The following PUS7 variants were observed in gnomAD, a reference collection of about 807,000 sequenced individuals.
PUS7 encodes the protein pseudouridine synthase 7.
Under a neutral mutation model 79.8 loss-of-function variants are expected in PUS7, and 48 were observed. That is an observed-to-expected ratio of 0.60 (90% CI 0.48 to 0.76). The LOEUF is 0.76. Ranked by LOEUF, PUS7 falls within the 30% of genes least tolerant of loss-of-function variation. PUS7 has a pLI of 0.00. For missense variants in PUS7, 729 were observed against 797.6 expected, an observed-to-expected ratio of 0.91 and a Z score of 1.04; for synonymous variants, 286 against 272.2, an observed-to-expected ratio of 1.05 and a Z score of -0.50.
At chr7:105,475,225 A>G (rs10272663) in intron 9 of PUS7, among the ~76,000 whole-genome samples, 67,429 of 151,438 alleles carry the variant, frequency 0.45, 15,584 homozygotes, top group East Asian at 0.72. Flanking sequence ...TCGCTCTGTC[A>G]CCCAGGCTAG....
chr7:105,479,217 C>T (rs556139076), intron 9 of PUS7, among the ~76,000 whole-genome samples: 242 of 152,298 alleles, frequency 1.6e-3, no homozygotes, highest in Middle Eastern at 3.4e-3. Flanking sequence ...CCTCAGAACT[C>T]AAGTCTGTTT....
chr7:105,496,603 T>C, intron 5 of PUS7, among the ~76,000 whole-genome samples: 1 of 152,198 alleles, frequency 6.6e-6, no homozygotes, highest in Admixed American at 6.5e-5. Context: ...TACCTGGCTT[T>C]GTCAAGGCAA....
chr7:105,477,315 T>C (rs1167584359), intron 9 of PUS7, among the ~76,000 whole-genome samples: 2 of 152,148 alleles, frequency 1.3e-5, no homozygotes, highest in Non-Finnish European at 2.9e-5. Flanking sequence ...TGGTACAATC[T>C]TGGGTCACTT....
rs182820591 is a variant in PUS7 at position 105,504,912 on chromosome 7, G to A, written c.585+1043C>T. Among the ~76,000 whole-genome samples, 433 of 152,168 alleles carry A rather than the reference G, an allele frequency of 2.8e-3. 3 individuals are homozygous for A. Among genetic ancestry groups the A allele is most frequent in the Middle Eastern group, 0.014 (4 of 292 alleles). On this transcript the variant is annotated intron_variant, in intron 4 of 15. Transcript: ENST00000469408. ...AATGAATTCTGAAAAGTTGTAGTAC[G>A]CTTATTAACTAGGAGTGCTGGGAGG...
intron 7 of PUS7, among the ~76,000 whole-genome samples, chr7:105,488,574 T>G (rs1004089484): frequency 6.6e-6 from 1 of 152,212 alleles, no homozygotes; most frequent in Non-Finnish European, 1.5e-5. Flanking sequence ...ACGTCTGTCA[T>G]GGACTGGGTT....
intron 9 of PUS7, among the ~76,000 whole-genome samples, chr7:105,479,201 T>C (rs1363791104): frequency 6.6e-6 from 1 of 152,222 alleles, no homozygotes; most frequent in Non-Finnish European, 1.5e-5. Flanking sequence ...AGATGAGTAA[T>C]TTAAGCCTCA....
At chr7:105,472,854 C>T (rs377573178) in intron 9 of PUS7, among the ~76,000 whole-genome samples, 3 of 151,188 alleles carry the variant, frequency 2.0e-5, no homozygotes, top group Admixed American at 6.6e-5. Context: ...CCCGGTTTCA[C>T]GCCATTCTCC....
At chr7:105,515,083 C>T (rs941203201) in intron 1 of PUS7, among the ~76,000 whole-genome samples, 5 of 152,116 alleles carry the variant, frequency 3.3e-5, no homozygotes, top group East Asian at 1.9e-4. Context: ...CGTGAGCCAC[C>T]GCGCCTGGCC....
chr7:105,493,685 A>G (rs908094834), intron 6 of PUS7, among the ~76,000 whole-genome samples: 10 of 152,174 alleles, frequency 6.6e-5, no homozygotes, highest in African/African-American at 1.9e-4. Flanking sequence ...CCTCCTAAGA[A>G]GAGGAAATGG....
At chr7:105,507,342 G>A (rs1825512114) in intron 2 of PUS7, among the ~76,000 whole-genome samples, 1 of 151,982 alleles carries the variant, frequency 6.6e-6, no homozygotes, top group Non-Finnish European at 1.5e-5. Flanking sequence ...CACCGTGTCT[G>A]GCCTGATCCA....
intron 5 of PUS7, among the ~76,000 whole-genome samples, chr7:105,498,818 G>A (rs557613840): frequency 2.0e-5 from 3 of 152,164 alleles, no homozygotes; most frequent in African/African-American, 7.2e-5. Flanking sequence ...ATAGAGATGA[G>A]GTTTTGCCAT....
intron 1 of PUS7, among the ~76,000 whole-genome samples, chr7:105,520,686 C>T (rs968302635): frequency 2.6e-5 from 4 of 152,150 alleles, no homozygotes; most frequent in South Asian, 4.1e-4. Flanking sequence ...CGTGCCATTG[C>T]ACTCCAGCCT....
chr7:105,503,609 C>A (rs1825341439), intron 4 of PUS7, among the ~76,000 whole-genome samples: 1 of 152,056 alleles, frequency 6.6e-6, no homozygotes, highest in Non-Finnish European at 1.5e-5. Flanking sequence ...TTGCAATGCA[C>A]AAGTATTTTC....
chr7:105,497,107 G>T (rs535360926), intron 5 of PUS7: 161 of 472,360 alleles, frequency 3.4e-4, no homozygotes, highest in African/African-American at 3.3e-3. Flanking sequence ...CGGTAGTTAT[G>T]CGGTGGGTTA....
chr7:105,487,370 T>G (rs1012446015), intron 7 of PUS7, among the ~76,000 whole-genome samples: 1 of 152,242 alleles, frequency 6.6e-6, no homozygotes, highest in Non-Finnish European at 1.5e-5. Flanking sequence ...GCCTGACTTC[T>G]TAGTGGAATG....
intron 9 of PUS7, among the ~76,000 whole-genome samples, chr7:105,480,591 AC>A (rs1484171995): frequency 6.6e-6 from 1 of 152,170 alleles, no homozygotes; most frequent in Non-Finnish European, 1.5e-5. Context: ...AGCCTGACCA[AC>A]ATGGAGAAAC....
chr7:105,466,891 A>C (rs1461003335), intron 12 of PUS7, among the ~76,000 whole-genome samples: 1 of 152,136 alleles, frequency 6.6e-6, no homozygotes, highest in East Asian at 1.9e-4. Context: ...AAAATTTCTG[A>C]ACAGAGTTAG....
At chr7:105,475,577 T>C (rs907678310) in intron 9 of PUS7, among the ~76,000 whole-genome samples, 8 of 151,732 alleles carry the variant, frequency 5.3e-5, no homozygotes, top group African/African-American at 9.7e-5. Flanking sequence ...CTGCCTTGGC[T>C]TCCCAAAGTG....
At chr7:105,493,875 C>T (rs1824898312) in intron 6 of PUS7, among the ~76,000 whole-genome samples, 1 of 152,192 alleles carries the variant, frequency 6.6e-6, no homozygotes, top group Non-Finnish European at 1.5e-5. Context: ...TTCTGTTAAG[C>T]CACCTGATCT....
Sources: allele counts gnomAD v4.1 joint callset (sites outside exome capture counted in the v4.1 genomes callset), GRCh38; gene constraint gnomAD v4.1.1; transcripts MANE v1.5; gene names NCBI Gene and HGNC (gene_info 2026-07-23, HGNC 2026-07-21).